Variants in SGCZ observed in about 807,000 individuals in gnomAD.
SGCZ encodes the protein sarcoglycan zeta, also known as zeta-sarcoglycan.
A neutral mutation model predicts 41.3 loss-of-function variants in SGCZ; 40 were observed. The observed-to-expected ratio is 0.97, with a 90% CI of 0.75 to 1.26. SGCZ has a LOEUF of 1.26. Among genes scored for constraint, SGCZ ranks in the 50% most tolerant of loss-of-function variants. The probability of loss-of-function intolerance (pLI) is 0.00; values close to 1 mark genes in which losing one functional copy is unlikely to be tolerated. For synonymous variants in SGCZ, 206 were observed against 137.5 expected (o/e 1.50, Z -3.49); for missense variants, 552 against 369.8 (o/e 1.49, Z -4.04).
chr8:14,349,501 A>T (rs147112414), intron 2 of SGCZ, among the ~76,000 whole-genome samples: 1 of 152,158 alleles, frequency 6.6e-6, no homozygotes, highest in Non-Finnish European at 1.5e-5. Context: ...GTAAGCAATA[A>T]GGCATGTGTC....
At chr8:14,307,657 T>C (rs991810268) in intron 3 of SGCZ, among the ~76,000 whole-genome samples, 4 of 152,178 alleles carry the variant, frequency 2.6e-5, no homozygotes, top group Non-Finnish European at 5.9e-5. Flanking sequence ...AATGTCCACA[T>C]AAAATTTGTG....
chr8:14,757,755 T>G (rs1799725356), intron 1 of SGCZ, among the ~76,000 whole-genome samples: 1 of 152,202 alleles, frequency 6.6e-6, no homozygotes, highest in African/African-American at 2.4e-5. Flanking sequence ...TTAATAAACC[T>G]TAAGCTTCCC....
At position 14,090,421 on chromosome 8, in the gene SGCZ, G is replaced by C; in HGVS notation, c.*22C>G. On this transcript the variant is annotated 3_prime_UTR_variant, in exon 8 of 8. Transcript: ENST00000382080. ...CGGACAGGAACAAAAGGCTATTCTG[G>C]TGTGAGGAGAAATCAGTCACTTCAG... The C allele has an allele frequency of 6.2e-7, 1 of 1,606,042 alleles. No individual in the cohort carries two copies. The highest frequency in any genetic ancestry group is 2.2e-5 in the East Asian group (1 of 44,786).
At position 14,554,880 on chromosome 8, in the gene SGCZ, G is replaced by A. The variant is rs759758624; in HGVS notation, c.86C>T (p.Pro29Leu). Reference sequence around the variant, plus strand: ...GTAAAGTTGTGCATTCTCAGTCCTTGGCAGGTTATTCTGTTGGGTTGCTAG... The same window carrying A: ...GTAAAGTTGTGCATTCTCAGTCCTTAGCAGGTTATTCTGTTGGGTTGCTAG... ...YILATQQNNL[P>L]RTENAQLYPV... Residue 29 changes from proline (P) to leucine (L), a missense_variant, in exon 2 of 8, where the codon CCA becomes CTA. Coordinates refer to ENST00000382080, the MANE Select transcript of SGCZ (RefSeq NM_139167.4). 1.5e-5 allele frequency: 24 copies of A among 1,612,818 alleles called. No individual in the cohort carries two copies. The highest frequency in any genetic ancestry group is 5.9e-6 in the Non-Finnish European group (7 of 1,179,404).
chr8:14,704,379 C>G (rs1052123602), intron 1 of SGCZ, among the ~76,000 whole-genome samples: 1 of 151,984 alleles, frequency 6.6e-6, no homozygotes, highest in Non-Finnish European at 1.5e-5. Context: ...TGTATGTTCA[C>G]TTAATAATGC....
intron 2 of SGCZ, among the ~76,000 whole-genome samples, chr8:14,379,387 T>A (rs998668837): frequency 1.3e-5 from 2 of 152,116 alleles, no homozygotes; most frequent in East Asian, 1.9e-4. Context: ...ACAATTGCAG[T>A]GCACAAGATA....
chr8:14,991,769 C>T (rs906152584), intron 1 of SGCZ, among the ~76,000 whole-genome samples: 1 of 151,666 alleles, frequency 6.6e-6, no homozygotes, highest in African/African-American at 2.4e-5. Flanking sequence ...CCAATCTACT[C>T]CCAAATCTAC....
chr8:14,495,113 A>G (rs1287908779), intron 2 of SGCZ, among the ~76,000 whole-genome samples: 1 of 152,172 alleles, frequency 6.6e-6, no homozygotes, highest in Non-Finnish European at 1.5e-5. Flanking sequence ...CTCTCAAGGA[A>G]TGTGGATTCA....
chr8:15,225,831 T>C (rs1801751876), intron 1 of SGCZ, among the ~76,000 whole-genome samples: 1 of 152,168 alleles, frequency 6.6e-6, no homozygotes, highest in Admixed American at 6.5e-5. Context: ...TCTTGCCTCC[T>C]AGAATCTGCC....
At chr8:14,412,649 T>C (rs1799391165) in intron 2 of SGCZ, among the ~76,000 whole-genome samples, 1 of 152,068 alleles carries the variant, frequency 6.6e-6, no homozygotes, top group Middle Eastern at 3.2e-3. Context: ...CTCATTTTCT[T>C]GTGCTATTCA....
At chr8:15,058,782 A>C (rs80043638) in intron 1 of SGCZ, among the ~76,000 whole-genome samples, 1 of 152,292 alleles carries the variant, frequency 6.6e-6, no homozygotes, top group South Asian at 2.1e-4. Flanking sequence ...AAAGTTCATC[A>C]TACAGGTTAT....
intron 1 of SGCZ, among the ~76,000 whole-genome samples, chr8:14,635,007 A>G (rs1017765307): frequency 6.6e-6 from 1 of 151,740 alleles, no homozygotes; most frequent in Non-Finnish European, 1.5e-5. Context: ...ACTTTTATAC[A>G]TAGGCTTTTT....
chr8:14,787,777 C>A (rs564964160), intron 1 of SGCZ, among the ~76,000 whole-genome samples: 7 of 151,802 alleles, frequency 4.6e-5, no homozygotes, highest in Non-Finnish European at 7.4e-5. Flanking sequence ...ACTCGGGATG[C>A]GGAGATTGCG....
At chr8:14,814,394 G>C (rs1399272452) in intron 1 of SGCZ, among the ~76,000 whole-genome samples, 1 of 152,080 alleles carries the variant, frequency 6.6e-6, no homozygotes, top group Non-Finnish European at 1.5e-5. Flanking sequence ...GATTCAAAGA[G>C]CTACATCCCC....
chr8:14,977,486 T>C (rs1221293075), intron 1 of SGCZ, among the ~76,000 whole-genome samples: 1 of 152,218 alleles, frequency 6.6e-6, no homozygotes. Context: ...CTTTCTTTCA[T>C]CCACATCATC....
At chr8:14,719,587 C>A (rs1028034062) in intron 1 of SGCZ, among the ~76,000 whole-genome samples, 6 of 152,060 alleles carry the variant, frequency 3.9e-5, no homozygotes, top group African/African-American at 1.4e-4. Context: ...TTTTGATTTG[C>A]ATTTCCCTGA....
intron 1 of SGCZ, among the ~76,000 whole-genome samples, chr8:14,619,113 C>T (rs1806200854): frequency 6.6e-6 from 1 of 152,110 alleles, no homozygotes; most frequent in South Asian, 2.1e-4. Flanking sequence ...AAAGAAATCC[C>T]TGGGATGCAA....
intron 1 of SGCZ, among the ~76,000 whole-genome samples, chr8:14,657,199 A>C (rs1807604898): frequency 6.6e-6 from 1 of 151,978 alleles, no homozygotes; most frequent in Non-Finnish European, 1.5e-5. Context: ...TAGTTGAGTG[A>C]AGAGACGTAT....
At chr8:14,574,712 T>G (rs1188492501) in intron 1 of SGCZ, among the ~76,000 whole-genome samples, 1 of 152,170 alleles carries the variant, frequency 6.6e-6, no homozygotes, top group Non-Finnish European at 1.5e-5. Flanking sequence ...GTGGTCAAAT[T>G]AATTAGTTAT....
Sources: allele counts gnomAD v4.1 joint callset (sites outside exome capture counted in the v4.1 genomes callset), GRCh38; gene constraint gnomAD v4.1.1; transcripts MANE v1.5; gene names NCBI Gene and HGNC (gene_info 2026-07-23, HGNC 2026-07-21).